The following GALNTL6 variants were observed in gnomAD, a reference collection of about 807,000 sequenced individuals.
GALNTL6 encodes the protein polypeptide N-acetylgalactosaminyltransferase-like 6.
In GALNTL6, 46 loss-of-function variants were observed where a neutral mutation model predicts 73.7. The ratio of observed to expected loss-of-function variants is 0.62; its 90% confidence interval spans 0.49 to 0.80. The LOEUF (loss-of-function observed/expected upper bound fraction) is 0.80. Ranked by LOEUF, GALNTL6 falls within the 30% of genes least tolerant of loss-of-function variation. The pLI is 0.00. For synonymous variants in GALNTL6, 259 were observed against 263.7 expected (o/e 0.98, Z 0.17); for missense variants, 604 against 755.0 (o/e 0.80, Z 2.34).
At chr4:171,838,831 T>C (rs187287004) in intron 2 of GALNTL6, among the ~76,000 whole-genome samples, 40 of 152,148 alleles carry the variant, frequency 2.6e-4, no homozygotes, top group Middle Eastern at 3.4e-3. Context: ...TGTTCAACAG[T>C]AAGGAATATG....
rs946771425 is a variant in GALNTL6, at chr4:172,855,088, A to G, written c.924-27702A>G. On this transcript the variant is annotated intron_variant, in intron 7 of 12. Transcript: ENST00000506823. Reference sequence around the variant, plus strand: ...TAAAATAATCCATCATCTAAGTTCAAGCAAAGCTATGTTTTATTTAAAACA... The same window carrying G: ...TAAAATAATCCATCATCTAAGTTCAGGCAAAGCTATGTTTTATTTAAAACA... Among the ~76,000 whole-genome samples, 6 of 152,132 alleles carry G rather than the reference A, an allele frequency of 3.9e-5. No homozygotes were observed. In the South Asian group the frequency reaches 1.2e-3, roughly 31 times the overall value.
chr4:172,044,810 CTT>C (rs1742173733), intron 2 of GALNTL6, among the ~76,000 whole-genome samples: 1 of 151,920 alleles, frequency 6.6e-6, no homozygotes, highest in Non-Finnish European at 1.5e-5. Flanking sequence ...ACCCAGAAAA[CTT>C]TGTTTGCATG....
chr4:171,880,255 AC>A (rs1480232914), intron 2 of GALNTL6, among the ~76,000 whole-genome samples: 1 of 152,148 alleles, frequency 6.6e-6, no homozygotes, highest in African/African-American at 2.4e-5. Flanking sequence ...TTATTACTGT[AC>A]TAAAACAAGG....
intron 2 of GALNTL6, among the ~76,000 whole-genome samples, chr4:171,921,592 A>G (rs1009811761): frequency 6.6e-6 from 1 of 152,140 alleles, no homozygotes; most frequent in African/African-American, 2.4e-5. Context: ...ATTGTATTCT[A>G]GGGAAAAGCT....
chr4:172,216,809 G>T (rs1347176843), intron 2 of GALNTL6, among the ~76,000 whole-genome samples: 2 of 152,070 alleles, frequency 1.3e-5, no homozygotes, highest in Admixed American at 6.6e-5. Flanking sequence ...GGTGGTCGGG[G>T]CGCAGCTTGG....
chr4:172,915,991 T>G (rs991093142), intron 8 of GALNTL6, among the ~76,000 whole-genome samples: 1 of 151,856 alleles, frequency 6.6e-6, no homozygotes, highest in Non-Finnish European at 1.5e-5. Flanking sequence ...GATGCAAAAA[T>G]CCTCAATAAA....
chr4:172,967,890 G>T (rs1237822047), intron 10 of GALNTL6, among the ~76,000 whole-genome samples: 1 of 152,040 alleles, frequency 6.6e-6, no homozygotes, highest in Non-Finnish European at 1.5e-5. Flanking sequence ...GTTTTGTTTT[G>T]AATTTCAATA....
intron 4 of GALNTL6, among the ~76,000 whole-genome samples, chr4:172,334,312 T>G (rs948627632): frequency 4.6e-5 from 7 of 152,190 alleles, no homozygotes; most frequent in African/African-American, 1.7e-4. Context: ...TTGATAGGGA[T>G]TGTGTTGAAT....
intron 5 of GALNTL6, among the ~76,000 whole-genome samples, chr4:172,718,690 A>G (rs1350060961): frequency 6.6e-6 from 1 of 152,134 alleles, no homozygotes; most frequent in East Asian, 1.9e-4. Flanking sequence ...TCACATGTCA[A>G]AAGAATCCCA....
chr4:171,842,924 C>T (rs1735275199), intron 2 of GALNTL6, among the ~76,000 whole-genome samples: 2 of 152,000 alleles, frequency 1.3e-5, no homozygotes, highest in African/African-American at 4.8e-5. Flanking sequence ...CTTAAAAGGC[C>T]TTAGTTGTTG....
At chr4:172,782,915 A>G (rs1035031220) in intron 5 of GALNTL6, among the ~76,000 whole-genome samples, 1 of 152,102 alleles carries the variant, frequency 6.6e-6, no homozygotes, top group Non-Finnish European at 1.5e-5. Flanking sequence ...CTTTTCGAAG[A>G]GCTTGTTATG....
chr4:172,923,525 C>T (rs147643367), intron 8 of GALNTL6, among the ~76,000 whole-genome samples: 191 of 152,190 alleles, frequency 1.3e-3, no homozygotes, highest in Middle Eastern at 0.01. Flanking sequence ...AAGAAATACG[C>T]AGGTAGAATA....
At chr4:171,878,439 A>G (rs549383192) in intron 2 of GALNTL6, among the ~76,000 whole-genome samples, 1 of 152,284 alleles carries the variant, frequency 6.6e-6, no homozygotes, top group East Asian at 1.9e-4. Context: ...GTCTCTGTAC[A>G]TGTTTCATTG....
At position 172,809,931 on chromosome 4, in the gene GALNTL6, AC is replaced by A. The variant is rs1579511067; in HGVS notation, c.739+386del. ...TTAAAATACACACACACACACACAC[AC>A]ACACACACACACACACACATTGAAC... On this transcript the variant is annotated intron_variant, in intron 6 of 12. Coordinates refer to ENST00000506823, the MANE Select transcript of GALNTL6 (RefSeq NM_001034845.3). This position sits in a 1 kb window ranked among gnomAD's most constrained non-coding sequence, Gnocchi z 4.4. Among the ~76,000 whole-genome samples the A allele has an allele frequency of 1.3e-5, 2 of 152,044 alleles. No individual in the cohort carries two copies. Among genetic ancestry groups the A allele is most frequent in the East Asian group, 3.9e-4 (2 of 5,174 alleles).
chr4:172,641,413 G>A (rs4695771), intron 5 of GALNTL6, among the ~76,000 whole-genome samples: 65,762 of 151,842 alleles, frequency 0.43, 16,297 homozygotes, highest in East Asian at 0.68. Flanking sequence ...ACCTACTCCT[G>A]TGCTTCTCAC....
intron 8 of GALNTL6, 43 bp downstream of exon 8, chr4:172,882,950 G>T (rs369496133): frequency 9.7e-7 from 1 of 1,034,090 alleles, no homozygotes; most frequent in Non-Finnish European, 1.5e-6. Context: ...GTATAATTTT[G>T]ACAATTCTGA....
intron 5 of GALNTL6, among the ~76,000 whole-genome samples, chr4:172,583,624 G>T (rs187628539): frequency 6.6e-6 from 1 of 152,200 alleles, no homozygotes; most frequent in Non-Finnish European, 1.5e-5. Context: ...GGATGCGGCT[G>T]GGCGAGGTGG....
chr4:172,556,868 ATG>A (rs1262846441), intron 5 of GALNTL6, among the ~76,000 whole-genome samples: 1 of 152,102 alleles, frequency 6.6e-6, no homozygotes, highest in African/African-American at 2.4e-5. Flanking sequence ...ACACAGAACT[ATG>A]TAAGCTCTAT....
chr4:172,566,072 A>T (rs1353551592), intron 5 of GALNTL6, among the ~76,000 whole-genome samples: 1 of 152,178 alleles, frequency 6.6e-6, no homozygotes, highest in Non-Finnish European at 1.5e-5. Flanking sequence ...TGAATGGAAA[A>T]ATCAACAGCA....
Sources: allele counts gnomAD v4.1 joint callset (sites outside exome capture counted in the v4.1 genomes callset), GRCh38; gene constraint gnomAD v4.1.1; non-coding constraint Gnocchi (gnomAD v3.1); transcripts MANE v1.5; gene names NCBI Gene and HGNC (gene_info 2026-07-23, HGNC 2026-07-21).